The following ARAP2 variants were observed in gnomAD, a reference collection of about 807,000 sequenced individuals.
ARAP2 encodes the protein arf-GAP with Rho-GAP domain, ANK repeat and PH domain-containing protein 2.
In ARAP2, 148 loss-of-function variants were observed where a neutral mutation model predicts 194.5. That is an observed-to-expected ratio of 0.76 (90% confidence interval 0.67 to 0.87). The LOEUF is 0.87. ARAP2 is among the 40% of genes least tolerant of loss of function. The pLI, the probability that ARAP2 is intolerant of heterozygous loss-of-function variation, is 0.00. For synonymous variants in ARAP2, 695 were observed against 683.5 expected (o/e 1.02, Z -0.26); for missense variants, 2,128 against 1,989.7 (o/e 1.07, Z -1.32).
chr4:36,010,833 G>A (rs933858986), intron 9 of ARAP2, among the ~76,000 whole-genome samples: 3 of 152,208 alleles, frequency 2.0e-5, no homozygotes, highest in East Asian at 1.9e-4. Flanking sequence ...TTTTGTGGGC[G>A]GAGCAGTTTG....
intron 1 of ARAP2, among the ~76,000 whole-genome samples, chr4:36,233,944 C>T (rs763015894): frequency 1.6e-4 from 25 of 152,176 alleles, no homozygotes; most frequent in Non-Finnish European, 2.4e-4. Context: ...TGTCCTAGTC[C>T]GTTCAGACTG....
intron 1 of ARAP2, among the ~76,000 whole-genome samples, chr4:36,060,599 G>A (rs909236599): frequency 2.0e-5 from 3 of 152,066 alleles, no homozygotes; most frequent in Admixed American, 6.6e-5. Context: ...AAAACGTGAT[G>A]TATTACTTTG....
At chr4:36,173,475 T>G (rs1361473863) in intron 9 of ARAP2, among the ~76,000 whole-genome samples, 1 of 152,006 alleles carries the variant, frequency 6.6e-6, no homozygotes, top group African/African-American at 2.4e-5. Flanking sequence ...AAAAACAGTT[T>G]AGGACATAGA....
chr4:36,118,056 G>A (rs1721788398), intron 24 of ARAP2, among the ~76,000 whole-genome samples: 1 of 151,308 alleles, frequency 6.6e-6, no homozygotes. Context: ...AATCTAATGA[G>A]TAAACTTGTG....
At chr4:36,096,400 C>T (rs1715330840) in intron 27 of ARAP2, among the ~76,000 whole-genome samples, 2 of 145,632 alleles carry the variant, frequency 1.4e-5, no homozygotes, top group South Asian at 4.3e-4. Context: ...AAAAAGTAGT[C>T]TTAAACCCAA....
intron 8 of ARAP2, among the ~76,000 whole-genome samples, chr4:36,181,872 T>TG (rs563920634): frequency 6.6e-6 from 1 of 152,022 alleles, no homozygotes; most frequent in Admixed American, 6.5e-5. Context: ...AAACACAAGA[T>TG]GGGGGGCCCA....
chr4:36,186,658 C>T (rs774074178), intron 8 of ARAP2, among the ~76,000 whole-genome samples: 2 of 152,238 alleles, frequency 1.3e-5, no homozygotes, highest in South Asian at 2.1e-4. Context: ...TCTATAGCCA[C>T]CACTGGCATT....
rs1392259044 is a variant in ARAP2, at chr4:36,014,224, C to CGGAAGAAAGAAAGAAAGAAAGAAAGAAA, written n.1056+1161_1056+1162insTTTCTTTCTTTCTTTCTTTCTTTCTTCC. 4.1e-3 allele frequency among the ~76,000 whole-genome samples: 251 copies of CGGAAGAAAGAAAGAAAGAAAGAAAGAAA among 61,686 alleles called. 32 individuals carry two copies. The highest frequency in any genetic ancestry group is 9.0e-3 in the African/African-American group (147 of 16,422). 40.5% of individuals were successfully genotyped at this position (61,686 alleles called of 152,430 possible). A position where few individuals can be genotyped will look rare whatever the true frequency, so the allele number is the denominator to read the frequency against. On this transcript the variant is annotated intron_variant and non_coding_transcript_variant, in intron 8 of 12. Transcript: ENST00000503225. The stretch of plus-strand genomic sequence containing the variant: ...CCTAGGTGACAAAGTGAGACCCTAT[C>CGGAAGAAAGAAAGAAAGAAAGAAAGAAA]GAAAGAAAGAAAGAAAGAAAGAAAG...
intron 9 of ARAP2, among the ~76,000 whole-genome samples, chr4:36,172,010 A>G (rs1056226535): frequency 6.6e-6 from 1 of 152,232 alleles, no homozygotes; most frequent in Admixed American, 6.5e-5. Flanking sequence ...AAATGCTATA[A>G]ACTGGATTGA....
At chr4:36,115,957 C>T (rs886485006) in intron 25 of ARAP2, among the ~76,000 whole-genome samples, 8 of 151,888 alleles carry the variant, frequency 5.3e-5, no homozygotes, top group Admixed American at 1.3e-4. Context: ...AATTAAAATG[C>T]GCTATTAAAG....
At chr4:36,105,658 C>A (rs1718199272) in intron 27 of ARAP2, among the ~76,000 whole-genome samples, 1 of 151,098 alleles carries the variant, frequency 6.6e-6, no homozygotes, top group South Asian at 2.1e-4. Flanking sequence ...CCAGATATGA[C>A]TGCTCTAAAC....
chr4:36,175,443 A>G (rs966800967), intron 9 of ARAP2, among the ~76,000 whole-genome samples: 2 of 152,208 alleles, frequency 1.3e-5, no homozygotes. Context: ...GGCACATACC[A>G]GGATGCGAAA....
upstream of ARAP2, among the ~76,000 whole-genome samples, chr4:36,244,740 C>T (rs1754356716): frequency 1.3e-5 from 2 of 152,154 alleles, no homozygotes; most frequent in African/African-American, 2.4e-5. Context: ...CCCAGAGCGA[C>T]AGGGGCATTA....
intron 31 of ARAP2, among the ~76,000 whole-genome samples, chr4:36,077,932 A>G (rs1351991925): frequency 6.6e-6 from 1 of 152,070 alleles, no homozygotes; most frequent in Non-Finnish European, 1.5e-5. Context: ...CTCATTTCAG[A>G]CTGGTCTCAG....
chr4:36,204,366 AG>A (rs1164041091), intron 6 of ARAP2, among the ~76,000 whole-genome samples: 4 of 152,100 alleles, frequency 2.6e-5, no homozygotes, highest in African/African-American at 9.7e-5. Context: ...AACAATGTTT[AG>A]GGGGGAAAAA....
chr4:36,188,382 TA>T (rs1009038770), intron 7 of ARAP2, among the ~76,000 whole-genome samples: 3 of 152,122 alleles, frequency 2.0e-5, no homozygotes, highest in Non-Finnish European at 4.4e-5. Flanking sequence ...TAAAACTGGG[TA>T]AAAACTAAGG....
At chr4:36,114,339 C>T in intron 25 of ARAP2, 52 bp from the exon 26 acceptor site, 1 of 1,117,816 alleles carries the variant, frequency 8.9e-7, no homozygotes, top group Non-Finnish European at 1.3e-6. Context: ...CAGAAGTAGC[C>T]TTATGCTAGG....
At chr4:36,045,624 A>T (rs1721688280) in intron 5 of ARAP2, among the ~76,000 whole-genome samples, 1 of 152,322 alleles carries the variant, frequency 6.6e-6, no homozygotes, top group East Asian at 1.9e-4. Flanking sequence ...TCTAGTCATC[A>T]ATTACACAGG....
intron 31 of ARAP2, 21 bp downstream of exon 31, chr4:36,080,195 T>C (rs564905934): frequency 2.3e-5 from 37 of 1,600,534 alleles, no homozygotes; most frequent in Middle Eastern, 3.3e-4. Context: ...CTCTACTGGA[T>C]AGTTCAAACA....
Sources: gnomAD v4.1 joint callset for allele counts (sites outside exome capture counted in the v4.1 genomes callset) on GRCh38, gnomAD v4.1.1 for gene constraint, MANE v1.5 for transcripts, NCBI Gene and HGNC (gene_info 2026-07-23, HGNC 2026-07-21) for gene names.